The following DOCK6 variants were observed in gnomAD, a reference collection of about 807,000 sequenced individuals.
DOCK6 encodes the protein dedicator of cytokinesis 6, also known as dedicator of cytokinesis protein 6.
Under a neutral mutation model 230.3 loss-of-function variants are expected in DOCK6, and 167 were observed. The observed-to-expected ratio is 0.73, with a 90% CI of 0.64 to 0.82. The LOEUF (loss-of-function observed/expected upper bound fraction) is 0.82, where lower values mean the gene tolerates loss of function less well. Among genes scored for constraint, DOCK6 ranks in the 40% least tolerant of loss-of-function variants. The pLI is 0.00. For missense variants in DOCK6, 2,598 were observed against 2,825.8 expected, an observed-to-expected ratio of 0.92 and a Z score of 1.83; for synonymous variants, 1,148 against 1,185.0, an observed-to-expected ratio of 0.97 and a Z score of 0.64.
chr19:11,226,378 G>A (rs1310570291), intron 24 of DOCK6, among the ~76,000 whole-genome samples: 1 of 152,156 alleles, frequency 6.6e-6, no homozygotes, highest in African/African-American at 2.4e-5. Context: ...ACGATCCAAG[G>A]CCGGGCGCGG....
chr19:11,219,360 T>C (rs1278680197), intron 28 of DOCK6, among the ~76,000 whole-genome samples: 1 of 150,674 alleles, frequency 6.6e-6, no homozygotes, highest in Non-Finnish European at 1.5e-5. Context: ...ATTTTTTTTT[T>C]TGTATTTTTA....
rs1185294724 is a variant in DOCK6, at chr19:11,236,370, G to A, written c.2368C>T (p.Pro790Ser). The A allele has an allele frequency of 3.8e-6, 6 of 1,569,632 alleles. No individual in the cohort carries two copies. In the South Asian group the frequency reaches 7.0e-5, roughly 18 times the overall value. The change falls in exon 20 of 48, where the codon CCC (proline) becomes TCC (serine). Residue 790 changes from proline to serine, a missense_variant. Transcript: ENST00000294618. This position sits in a 1 kb window ranked among gnomAD's most constrained non-coding sequence, Gnocchi z 5.2. ...CCAATCTGGCCACTGATGATCGGGGGCCTGATGACCAGACGCACGAGCTTG... is the reference window on the plus strand; with the variant it reads ...CCAATCTGGCCACTGATGATCGGGGACCTGATGACCAGACGCACGAGCTTG... ...LDKLVRLVIR[P>S]PIISGQIVNL...
chr19:11,201,068 A>C lies in DOCK6; in HGVS notation c.5689-16T>G, dbSNP rs773039492. ...TCAGCACCGTCTGTGGGGTAAGGGG[A>C]GGGGTGTGTACTCGCTGGGGCCTGA... On this transcript the variant is annotated splice_polypyrimidine_tract_variant and intron_variant, in intron 44 of 47. Transcript: ENST00000294618. The surrounding 1 kb of genome is among the most constrained non-coding windows in gnomAD (Gnocchi z 4.3). The C allele has an allele frequency of 1.4e-5, 23 of 1,612,180 alleles. No individual in the cohort carries two copies. Among genetic ancestry groups the C allele is most frequent in the South Asian group, 8.8e-5 (8 of 90,912 alleles).
rs2147726741 is a variant in DOCK6 at position 11,208,908 on chromosome 19, C to T, written c.4944+3G>A. The stretch of plus-strand genomic sequence containing the variant: ...CGCCACCTGCCAACCCCTGGCCACT[C>T]ACCTGGAAGGAAACGCAGCCCACGG... On this transcript the variant is annotated splice_donor_region_variant and intron_variant, in intron 38 of 47. Coordinates refer to ENST00000294618, the MANE Select transcript of DOCK6 (RefSeq NM_020812.4). 3 of 1,597,478 alleles carry T rather than the reference C, an allele frequency of 1.9e-6. No homozygotes were observed. In the East Asian group the frequency reaches 6.8e-5, roughly 36 times the overall value.
chr19:11,225,462 A>T (rs1455479049), intron 24 of DOCK6, among the ~76,000 whole-genome samples: 1 of 152,016 alleles, frequency 6.6e-6, no homozygotes, highest in Non-Finnish European at 1.5e-5. Flanking sequence ...CAGAGGTCCC[A>T]TTTCTCCTTA....
intron 35 of DOCK6, 30 bp from the exon 36 acceptor site, chr19:11,212,181 C>G: frequency 6.3e-7 from 1 of 1,593,862 alleles, no homozygotes; most frequent in Non-Finnish European, 8.5e-7. Flanking sequence ...AGGGTGGAGC[C>G]GGGAGTCTCA....
intron 30 of DOCK6, chr19:11,216,557 G>T: frequency 4.2e-6 from 1 of 240,358 alleles, no homozygotes; most frequent in Non-Finnish European, 8.3e-6. Flanking sequence ...ACAGGTGCGC[G>T]CCACCACACC....
rs1016018021 is a variant in DOCK6 at position 11,199,438 on chromosome 19, C to T, written c.*59G>A. The T allele has an allele frequency of 3.9e-6, 6 of 1,549,280 alleles. No individual in the cohort carries two copies. Among genetic ancestry groups the T allele is most frequent in the Non-Finnish European group, 5.2e-6 (6 of 1,144,078 alleles). ...GCACCAGGGCAGACTCCCCTCGCAG[C>T]ACAGACAGCTGAGGCCCGGGTGCTG... On this transcript the variant is annotated 3_prime_UTR_variant, in exon 48 of 48. Coordinates refer to ENST00000294618, the MANE Select transcript of DOCK6 (RefSeq NM_020812.4).
In DOCK6 at chr19:11,221,911, G is replaced by A. The variant is rs757884314; in HGVS notation, c.3490C>T (p.Leu1164=). 9 of 1,613,200 alleles carry A rather than the reference G, an allele frequency of 5.6e-6. No individual in the cohort carries two copies. Among genetic ancestry groups the A allele is most frequent in the South Asian group, 3.3e-5 (3 of 91,094 alleles). The change falls in exon 28 of 48, where the codon CTG becomes TTG. Residue 1164 remains leucine (L), a synonymous_variant. Coordinates refer to ENST00000294618, the MANE Select transcript of DOCK6 (RefSeq NM_020812.4). ...EATVKARVAE[L]YLPLLSIARD... Reference sequence around the variant, plus strand: ...GCAATCGATAGCAGTGGCAGGTACAGCTCGGCCACACGAGCCTTCACAGTG... The same window carrying A: ...GCAATCGATAGCAGTGGCAGGTACAACTCGGCCACACGAGCCTTCACAGTG...
chr19:11,252,054 C>T, intron 5 of DOCK6, 65 bp downstream of exon 5: 1 of 1,555,874 alleles, frequency 6.4e-7, no homozygotes, highest in Non-Finnish European at 8.7e-7. Flanking sequence ...TCACATGTGA[C>T]CAAAAGCTGA....
chr19:11,251,343 T>G (rs962582287), intron 5 of DOCK6: 1 of 470,662 alleles, frequency 2.1e-6, no homozygotes, highest in Admixed American at 3.3e-5. Context: ...GATCCTTATC[T>G]GGTCAATCAA....
intron 14 of DOCK6, 149 bp downstream of exon 14, chr19:11,241,896 C>T (rs996951300): frequency 1.6e-6 from 2 of 1,252,882 alleles, no homozygotes; most frequent in Non-Finnish European, 2.2e-6. Flanking sequence ...GGACATGTAC[C>T]CTTTCATGCC....
Position 11,251,101 on chromosome 19 carries a change from T to A in DOCK6, c.508-15A>T, listed in dbSNP as rs776450901. On this transcript the variant is annotated splice_polypyrimidine_tract_variant and intron_variant, in intron 5 of 47. Coordinates refer to ENST00000294618, the MANE Select transcript of DOCK6 (RefSeq NM_020812.4). The stretch of plus-strand genomic sequence containing the variant: ...CGGGAGTCATTCTGCCAGTGGAGAA[T>A]GTGCAAGCACTGAGTGCCAGCTGTA... 2 of 1,602,824 alleles carry A rather than the reference T, an allele frequency of 1.2e-6. No homozygotes were observed. The highest frequency in any genetic ancestry group is 1.7e-6 in the Non-Finnish European group (2 of 1,174,724).
In DOCK6 at chr19:11,243,911, G is replaced by A. The variant is rs2147854345; in HGVS notation, c.1024-29C>T. 1.3e-6 allele frequency: 2 copies of A among 1,583,894 alleles called. No individual in the cohort carries two copies. The highest frequency in any genetic ancestry group is 1.7e-6 in the Non-Finnish European group (2 of 1,164,978). On this transcript the variant is annotated intron_variant, in intron 9 of 47. Transcript: ENST00000294618. The surrounding 1 kb of genome is among the most constrained non-coding windows in gnomAD (Gnocchi z 6.3). ...CGGGGCAGATGAATGAATCCAGTGAGGCGCTGCCCGAACGCTCTGTTCCCC... is the reference window on the plus strand; with the variant it reads ...CGGGGCAGATGAATGAATCCAGTGAAGCGCTGCCCGAACGCTCTGTTCCCC...
At chr19:11,228,291 G>A (rs1428017019) in intron 23 of DOCK6, among the ~76,000 whole-genome samples, 3 of 152,094 alleles carry the variant, frequency 2.0e-5, no homozygotes, top group Admixed American at 6.5e-5. Flanking sequence ...GATTACAGGC[G>A]TGAGCCACTG....
rs1401561374 is a variant in DOCK6, at chr19:11,200,749, T to G, written c.5906A>C (p.Lys1969Thr). Reference protein sequence around the residue: ...EDPKLFRHHNKLRLCFKDFCK... With the variant: ...EDPKLFRHHNTLRLCFKDFCK... ...GAAGTCCTTGAAGCAGAGCCGCAAT[T>G]TGTTGTGATGCCGGAAGAGCTTGGG... Residue 1969 changes from lysine to threonine, a missense_variant, in exon 46 of 48, where the codon AAA becomes ACA. Coordinates refer to ENST00000294618, the MANE Select transcript of DOCK6 (RefSeq NM_020812.4). The surrounding 1 kb of genome is among the most constrained non-coding windows in gnomAD (Gnocchi z 4.3). The G allele has an allele frequency of 6.2e-7, 1 of 1,613,660 alleles. No individual in the cohort carries two copies. The highest frequency in any genetic ancestry group is 8.5e-7 in the Non-Finnish European group (1 of 1,179,726).
chr19:11,216,740 T>C (rs2147765117), intron 30 of DOCK6, 174 bp downstream of exon 30: 1 of 686,864 alleles, frequency 1.5e-6, no homozygotes, highest in Non-Finnish European at 2.5e-6. Flanking sequence ...ACAAAGGCAC[T>C]TCTGACTTTA....
rs1433085969 is a variant in DOCK6, at chr19:11,213,230, C to T, written c.4437G>A (p.Thr1479=). ...HCGSRISTIR[T]HASASLYLLM... is the part of the protein sequence containing the mutation. ...GCAGGTACAGCGAGGCGCTGGCGTG[C>T]GTGCGGATGGTGCTGATGCGGCTGC... The change falls in exon 35 of 48, where the codon ACG becomes ACA. Residue 1479 remains threonine (T), a synonymous_variant. Coordinates refer to ENST00000294618, the MANE Select transcript of DOCK6 (RefSeq NM_020812.4). The T allele has an allele frequency of 4.3e-6, 7 of 1,613,092 alleles. No homozygotes were observed. The highest frequency in any genetic ancestry group is 2.2e-5 in the East Asian group (1 of 44,894).
chr19:11,259,466 T>G lies in DOCK6; in HGVS notation c.44+2931A>C, dbSNP rs2080248917. On this transcript the variant is annotated intron_variant, in intron 1 of 47. Coordinates refer to ENST00000294618, the MANE Select transcript of DOCK6 (RefSeq NM_020812.4). ...AGAGAGAGAGAGAGAGATGTTTACCTGAAATTTCAGTGGTAACTTTGGGAT... is the reference window on the plus strand; with the variant it reads ...AGAGAGAGAGAGAGAGATGTTTACCGGAAATTTCAGTGGTAACTTTGGGAT... 9.2e-5 allele frequency among the ~76,000 whole-genome samples: 14 copies of G among 151,966 alleles called. 2 individuals carry two copies. In the South Asian group the frequency reaches 2.9e-3, roughly 32 times the overall value.
Sources: allele counts gnomAD v4.1 joint callset (sites outside exome capture counted in the v4.1 genomes callset), GRCh38; gene constraint gnomAD v4.1.1; non-coding constraint Gnocchi (gnomAD v3.1); transcripts MANE v1.5; gene names NCBI Gene and HGNC (gene_info 2026-07-23, HGNC 2026-07-21).